The following CHD3 variants were observed in gnomAD, a reference collection of about 807,000 sequenced individuals.
CHD3 encodes the protein chromodomain helicase DNA binding protein 3.
Under a neutral mutation model 248.9 loss-of-function variants are expected in CHD3, and 52 were observed. The ratio of observed to expected loss-of-function variants is 0.21; its 90% CI spans 0.17 to 0.26. The LOEUF is 0.26. Among genes scored for constraint, CHD3 ranks in the 10% least tolerant of loss-of-function variants. The pLI is 1.00. For synonymous variants in CHD3, 985 were observed against 985.2 expected, an observed-to-expected ratio of 1.00 and a Z score of 0.00; for missense variants, 1,482 against 2,605.8, an observed-to-expected ratio of 0.57 and a Z score of 9.39.
In CHD3 at chr17:7,911,548, A is replaced by T. The variant is rs781361149; in HGVS notation, c.5966A>T (p.Glu1989Val). The T allele has an allele frequency of 2.5e-5, 41 of 1,614,130 alleles. No homozygotes were observed. Among genetic ancestry groups the T allele is most frequent in the Non-Finnish European group, 3.5e-5 (41 of 1,180,030 alleles). ...ALVSDGLDRKEPRAGEVICID... is the reference protein window; with the variant it reads ...ALVSDGLDRKVPRAGEVICID... ...GTGTCAGACGGGCTGGATCGGAAGG[A>T]GCCCCGAGCCGGGGAGGTGATCTGT... The change falls in exon 40 of 40, where the codon GAG (glutamate) becomes GTG (valine). Residue 1989 changes from glutamate (E) to valine (V), a missense_variant. By Grantham distance (121) the Glu-to-Val change is moderately radical (BLOSUM62 -2). Transcript: ENST00000330494. The surrounding 1 kb of genome is among the most constrained non-coding windows in gnomAD (Gnocchi z 5.4).
At position 7,905,191 on chromosome 17, in the gene CHD3, C is replaced by G. The variant is rs760336507; in HGVS notation, c.4138+26C>G. 2 of 1,603,192 alleles carry G rather than the reference C, an allele frequency of 1.2e-6. No individual in the cohort carries two copies. The highest frequency in any genetic ancestry group is 2.2e-5 in the East Asian group (1 of 44,844). On this transcript the variant is annotated intron_variant, in intron 26 of 39. Transcript: ENST00000330494. The surrounding 1 kb of genome is among the most constrained non-coding windows in gnomAD (Gnocchi z 5.8). Reference sequence around the variant, plus strand: ...GTGGCATCTGTGTTCCTGACTCTACCTCACCTCTTCCCGTTTTATTTTCCA... The same window carrying G: ...GTGGCATCTGTGTTCCTGACTCTACGTCACCTCTTCCCGTTTTATTTTCCA...
Position 7,907,106 on chromosome 17 carries a change from C to G in CHD3, c.4667-20C>G. On this transcript the variant is annotated intron_variant, in intron 30 of 39. Coordinates refer to ENST00000330494, the MANE Select transcript of CHD3 (RefSeq NM_001005273.3). The surrounding 1 kb of genome is among the most constrained non-coding windows in gnomAD (Gnocchi z 4.3). ...AGGGCGGGAGAATCTCTGTCTTTAT[C>G]ACTGTGCCTTCCCCTGCAGCTACTC... 6.2e-7 allele frequency: 1 copy of G among 1,614,148 alleles called. No homozygotes were observed. The highest frequency in any genetic ancestry group is 2.2e-5 in the East Asian group (1 of 44,888).
rs761473307 is a variant in CHD3, at chr17:7,889,758, C to G, written c.195C>G (p.Pro65=). The G allele has an allele frequency of 3.7e-6, 6 of 1,612,266 alleles. No individual in the cohort carries two copies. In the African/African-American group the frequency reaches 6.7e-5, roughly 18 times the overall value. ...AGAAGGAGAACAAGCCAGGAAAACCCCGAAAACGCAAGAAGCGTGTAAGTG... is the reference window on the plus strand; with the variant it reads ...AGAAGGAGAACAAGCCAGGAAAACCGCGAAAACGCAAGAAGCGTGTAAGTG... The part of the protein sequence containing the change: ...KKQKENKPGK[P]RKRKKRDSEE... The change falls in exon 2 of 40, where the codon CCC becomes CCG. Residue 65 remains proline (P), a synonymous_variant. Coordinates refer to ENST00000330494, the MANE Select transcript of CHD3 (RefSeq NM_001005273.3). The surrounding 1 kb of genome is among the most constrained non-coding windows in gnomAD (Gnocchi z 4.5).
Position 7,910,889 on chromosome 17 carries a change from G to A in CHD3, c.5797G>A (p.Ala1933Thr), listed in dbSNP as rs756569009. Residue 1933 changes from alanine to threonine, a missense_variant, in exon 39 of 40, where the codon GCG (alanine) becomes ACG (threonine). Physicochemically the swap from Ala to Thr is moderately conservative, Grantham distance 58 (BLOSUM62 0). Around this residue, in one of 20 missense-constraint regions of CHD3, gnomAD observed 117 missense variants for 137.2 expected, o/e 0.85. Coordinates refer to ENST00000330494, the MANE Select transcript of CHD3 (RefSeq NM_001005273.3). The surrounding 1 kb of genome is among the most constrained non-coding windows in gnomAD (Gnocchi z 4.7). Reference sequence around the variant, plus strand: ...CTACGCTACACCTCCGGGGTACGGGGCGGCCTTCAGCGCCGCACCCGTAGG... The same window carrying A: ...CTACGCTACACCTCCGGGGTACGGGACGGCCTTCAGCGCCGCACCCGTAGG... ...GPYATPPGYG[A>T]AFSAAPVGAL... is the part of the protein sequence containing the mutation. 33 of 1,612,918 alleles carry A rather than the reference G, an allele frequency of 2.0e-5. No homozygotes were observed. The Admixed American group carries it at 5.4e-4, about 26-fold the overall frequency.
At position 7,909,125 on chromosome 17, in the gene CHD3, C is replaced by G. The variant is rs1202939642; in HGVS notation, c.5395-18C>G. 6.4e-7 allele frequency: 1 copy of G among 1,552,248 alleles called. No individual in the cohort carries two copies. Reference sequence around the variant, plus strand: ...GCTGGCAGAGCCCTACCTTCACCTCCCAACTCTGTGCCCTCAGCTCCTGGA... The same window carrying G: ...GCTGGCAGAGCCCTACCTTCACCTCGCAACTCTGTGCCCTCAGCTCCTGGA... On this transcript the variant is annotated intron_variant, in intron 36 of 39. Coordinates refer to ENST00000330494, the MANE Select transcript of CHD3 (RefSeq NM_001005273.3). The surrounding 1 kb of genome is among the most constrained non-coding windows in gnomAD (Gnocchi z 8.1).
chr17:7,907,383 G>A lies in CHD3; in HGVS notation c.4819G>A (p.Gly1607Arg). 6.2e-7 allele frequency: 1 copy of A among 1,608,312 alleles called. No individual in the cohort carries two copies. Among genetic ancestry groups the A allele is most frequent in the Non-Finnish European group, 8.5e-7 (1 of 1,176,970 alleles). ...TGCCCCCAGCCCAGCCCCATCACTT[G>A]GGGAGCGGCTGGAGCCAAGGAAGAT... ...ADAPSPAPSL[G>R]ERLEPRKIPL... Residue 1607 changes from glycine to arginine, a missense_variant, in exon 32 of 40, where the codon GGG (glycine) becomes AGG (arginine). This residue lies in a region of CHD3 where 254 missense variants were observed against 266.7 expected (regional missense o/e 0.95). Coordinates refer to ENST00000330494, the MANE Select transcript of CHD3 (RefSeq NM_001005273.3). The surrounding 1 kb of genome is among the most constrained non-coding windows in gnomAD (Gnocchi z 4.3).
At chr17:7,896,847 C>A (rs768832038) in intron 10 of CHD3, among the ~76,000 whole-genome samples, 1 of 152,098 alleles carries the variant, frequency 6.6e-6, no homozygotes, top group Non-Finnish European at 1.5e-5. Flanking sequence ...TTAGTAGAGA[C>A]GGGGTTTCGC....
Position 7,908,277 on chromosome 17 carries a change from C to T in CHD3, c.5153-125C>T. 1.1e-6 allele frequency: 1 copy of T among 872,770 alleles called. No individual in the cohort carries two copies. Among genetic ancestry groups the T allele is most frequent in the South Asian group, 1.7e-5 (1 of 59,070 alleles). The allele number at this position is 872,770 out of a possible 1,614,324, so 54.1% of individuals were successfully genotyped here. A position where few individuals can be genotyped will look rare whatever the true frequency, so the allele number is the denominator to read the frequency against. On this transcript the variant is annotated intron_variant, in intron 34 of 39. Transcript: ENST00000330494. This position sits in a 1 kb window ranked among gnomAD's most constrained non-coding sequence, Gnocchi z 5.8. Reference sequence around the variant, plus strand: ...GAGTTTGTTCCAAACCTAACCTTTACCCATTCCTCTTCAGGAGCCCTTAGT... The same window carrying T: ...GAGTTTGTTCCAAACCTAACCTTTATCCATTCCTCTTCAGGAGCCCTTAGT...
rs543229386 is a variant in CHD3, at chr17:7,904,743, G to A, written c.4072+124G>A. On this transcript the variant is annotated intron_variant, in intron 25 of 39. Transcript: ENST00000330494. The surrounding 1 kb of genome is among the most constrained non-coding windows in gnomAD (Gnocchi z 4.4). ...AGTCAGAGCCTTCCTCTGCTAAAAGGGAAAGACATAAGGTAGAGTCATTAG... is the reference window on the plus strand; with the variant it reads ...AGTCAGAGCCTTCCTCTGCTAAAAGAGAAAGACATAAGGTAGAGTCATTAG... The A allele has an allele frequency of 1.1e-5, 10 of 948,462 alleles. No individual in the cohort carries two copies. In the African/African-American group the frequency reaches 1.7e-4, roughly 16 times the overall value. 58.8% of individuals were successfully genotyped at this position (948,462 alleles called of 1,614,324 possible).
chr17:7,893,959 T>G (rs772132381), intron 6 of CHD3, 24 bp downstream of exon 6: 3 of 1,395,552 alleles, frequency 2.1e-6, no homozygotes, highest in Non-Finnish European at 2.9e-6. Flanking sequence ...CCCTGTCTAC[T>G]AAACACCTGG....
rs1970966659 is a variant in CHD3 at position 7,906,473 on chromosome 17, A to G, written c.4359-80A>G. 6.7e-7 allele frequency: 1 copy of G among 1,491,112 alleles called. No individual in the cohort carries two copies. Among genetic ancestry groups the G allele is most frequent in the Non-Finnish European group, 9.2e-7 (1 of 1,082,906 alleles). The allele number at this position is 1,491,112 out of a possible 1,614,324, so 92.4% of individuals were successfully genotyped here. A position where few individuals can be genotyped will look rare whatever the true frequency, so the allele number is the denominator to read the frequency against. ...GGGATTTGGGGGTTTGGGGGTCCTC[A>G]GTCATCCTCGCGCCTCCCTCACTGC... On this transcript the variant is annotated intron_variant, in intron 28 of 39. Transcript: ENST00000330494. This position sits in a 1 kb window ranked among gnomAD's most constrained non-coding sequence, Gnocchi z 5.0.
In CHD3 at chr17:7,905,752, G is replaced by A; in HGVS notation, c.4224+46G>A. The A allele has an allele frequency of 6.2e-7, 1 of 1,612,910 alleles. No individual in the cohort carries two copies. The highest frequency in any genetic ancestry group is 1.1e-5 in the South Asian group (1 of 91,040). On this transcript the variant is annotated intron_variant, in intron 27 of 39. Coordinates refer to ENST00000330494, the MANE Select transcript of CHD3 (RefSeq NM_001005273.3). The surrounding 1 kb of genome is among the most constrained non-coding windows in gnomAD (Gnocchi z 5.8). ...TCCTGAGTTCTCCAAGAGGGCATGA[G>A]GGCAGGAGGTTGGAAGTTGGTGCCT...
At chr17:7,891,465 G>A (rs190287556) in intron 4 of CHD3, among the ~76,000 whole-genome samples, 1 of 152,294 alleles carries the variant, frequency 6.6e-6, no homozygotes, top group Non-Finnish European at 1.5e-5. Flanking sequence ...CAGGTCCTGT[G>A]CCCCTTCCTT....
chr17:7,901,113 G>A (rs1970248502), intron 19 of CHD3, 120 bp downstream of exon 19: 3 of 1,512,376 alleles, frequency 2.0e-6, no homozygotes, highest in Non-Finnish European at 2.7e-6. Context: ...CCACGGACTG[G>A]GTGTCTGAGA....
In CHD3 at chr17:7,894,239, G is replaced by T. The variant is rs1425079381; in HGVS notation, c.1049G>T (p.Gly350Val). ...GPVRTKKLKR[G>V]RPGRKKKKVL... The stretch of plus-strand genomic sequence containing the variant: ...GTCCGCACCAAGAAACTAAAGAGAG[G>T]CCGGCCAGGAAGGAAGAAGAAGAAG... The change falls in exon 7 of 40, where the codon GGC (glycine) becomes GTC (valine). Residue 350 changes from glycine (G) to valine (V), a missense_variant. By Grantham distance (109) the Gly-to-Val change is moderately radical. This residue lies in a region of CHD3 where 138 missense variants were observed against 241.1 expected (regional missense o/e 0.57). Coordinates refer to ENST00000330494, the MANE Select transcript of CHD3 (RefSeq NM_001005273.3). 6.2e-7 allele frequency: 1 copy of T among 1,614,048 alleles called. No individual in the cohort carries two copies. The highest frequency in any genetic ancestry group is 8.5e-7 in the Non-Finnish European group (1 of 1,180,028).
rs369319748 is a variant in CHD3 at position 7,905,232 on chromosome 17, A to G, written c.4138+67A>G. ...TTATTTTCCAGTTTGCTTTAAGCCC[A>G]CTGTTTTTATACAAGTAAAAAAGTC... On this transcript the variant is annotated intron_variant, in intron 26 of 39. Coordinates refer to ENST00000330494, the MANE Select transcript of CHD3 (RefSeq NM_001005273.3). The surrounding 1 kb of genome is among the most constrained non-coding windows in gnomAD (Gnocchi z 5.8). The G allele has an allele frequency of 1.4e-5, 21 of 1,464,674 alleles. No individual in the cohort carries two copies. Among genetic ancestry groups the G allele is most frequent in the Non-Finnish European group, 1.8e-5 (19 of 1,044,350 alleles). The allele number at this position is 1,464,674 out of a possible 1,614,324, so 90.7% of individuals were successfully genotyped here.
rs990090066 is a variant in CHD3, at chr17:7,889,903, C to T, written c.213+127C>T. On this transcript the variant is annotated intron_variant, in intron 2 of 39. Coordinates refer to ENST00000330494, the MANE Select transcript of CHD3 (RefSeq NM_001005273.3). The surrounding 1 kb of genome is among the most constrained non-coding windows in gnomAD (Gnocchi z 4.5). ...CTGAAGCCAGGGAGGCTTGATCCCC[C>T]GGGCCCCCCACTTCCCTGCCACTGT... 25 of 876,158 alleles carry T rather than the reference C, an allele frequency of 2.9e-5. No individual in the cohort carries two copies. Among genetic ancestry groups the T allele is most frequent in the Non-Finnish European group, 4.1e-5 (23 of 567,514 alleles). 54.3% of individuals were successfully genotyped at this position (876,158 alleles called of 1,614,324 possible). A position where few individuals can be genotyped will look rare whatever the true frequency, so the allele number is the denominator to read the frequency against.
rs1181375137 is a variant in CHD3 at position 7,905,188 on chromosome 17, T to C, written c.4138+23T>C. The C allele has an allele frequency of 6.2e-7, 1 of 1,606,236 alleles. No homozygotes were observed. The highest frequency in any genetic ancestry group is 1.1e-5 in the South Asian group (1 of 90,902). ...AAGGTGGCATCTGTGTTCCTGACTC[T>C]ACCTCACCTCTTCCCGTTTTATTTT... On this transcript the variant is annotated intron_variant, in intron 26 of 39. Transcript: ENST00000330494. This position sits in a 1 kb window ranked among gnomAD's most constrained non-coding sequence, Gnocchi z 5.8.
chr17:7,899,602 G>A lies in CHD3; in HGVS notation c.2544+59G>A. ...TCAAAGCTGTCACTTCTTTTTCTCA[G>A]CCAGGAATTCAGTTTCTCTATTCCC... is the stretch of plus-strand genomic sequence containing the variant. On this transcript the variant is annotated intron_variant, in intron 15 of 39. Coordinates refer to ENST00000330494, the MANE Select transcript of CHD3 (RefSeq NM_001005273.3). This position sits in a 1 kb window ranked among gnomAD's most constrained non-coding sequence, Gnocchi z 6.8. The A allele has an allele frequency of 6.5e-7, 1 of 1,548,294 alleles. No homozygotes were observed. The highest frequency in any genetic ancestry group is 8.9e-7 in the Non-Finnish European group (1 of 1,128,644).
Sources: gnomAD v4.1 joint callset for allele counts (sites outside exome capture counted in the v4.1 genomes callset) on GRCh38, gnomAD v4.1.1 for gene constraint, gnomAD v4.1.1 regional missense constraint, Gnocchi (gnomAD v3.1) non-coding constraint, MANE v1.5 for transcripts, NCBI Gene and HGNC (gene_info 2026-07-23, HGNC 2026-07-21) for gene names.